The following ARHGAP10 variants were observed in gnomAD, a reference collection of about 807,000 sequenced individuals.
ARHGAP10 encodes Rho GTPase activating protein 10, also known as rho GTPase-activating protein 10.
Under a neutral mutation model 108.6 loss-of-function variants are expected in ARHGAP10, and 87 were observed. The observed-to-expected ratio is 0.80, with a 90% CI of 0.67 to 0.96. The LOEUF (loss-of-function observed/expected upper bound fraction) is 0.96, where lower values mean the gene tolerates loss of function less well. Ranked by LOEUF, ARHGAP10 falls within the 40% of genes least tolerant of loss-of-function variation. ARHGAP10 has a pLI of 0.00. For missense variants in ARHGAP10, 939 were observed against 954.5 expected, an observed-to-expected ratio of 0.98 and a Z score of 0.21; for synonymous variants, 347 against 341.1, an observed-to-expected ratio of 1.02 and a Z score of -0.19.
rs1386002228 is a variant in ARHGAP10, at chr4:147,784,598, TTA to T, written c.155-38123_155-38122del. Among the ~76,000 whole-genome samples, 10 of 111,808 alleles carry T rather than the reference TTA, an allele frequency of 8.9e-5. 1 individual carries two copies. Among genetic ancestry groups the T allele is most frequent in the Admixed American group, 6.0e-4 (5 of 8,290 alleles). The allele number at this position is 111,808 out of a possible 152,430, so 73.4% of individuals were successfully genotyped here. A position where few individuals can be genotyped will look rare whatever the true frequency, so the allele number is the denominator to read the frequency against. ...ATAAAATATATATTATAAATATATA[TTA>T]TATATTTAAAATAGAATAAATATAT... On this transcript the variant is annotated intron_variant, in intron 1 of 22. Coordinates refer to ENST00000336498, the MANE Select transcript of ARHGAP10 (RefSeq NM_024605.4).
At chr4:147,816,630 G>T (rs533492753) in intron 1 of ARHGAP10, among the ~76,000 whole-genome samples, 6 of 152,214 alleles carry the variant, frequency 3.9e-5, no homozygotes, top group Admixed American at 2.6e-4. Flanking sequence ...ACCTAGCCCT[G>T]TGATGCATTC....
At chr4:148,033,397 G>C (rs558530761) in intron 19 of ARHGAP10, among the ~76,000 whole-genome samples, 7 of 152,248 alleles carry the variant, frequency 4.6e-5, no homozygotes, top group African/African-American at 1.7e-4. Context: ...AAAAAAGCAA[G>C]TTTTAAGATG....
At chr4:147,990,521 G>C (rs958776161) in intron 18 of ARHGAP10, among the ~76,000 whole-genome samples, 2 of 152,170 alleles carry the variant, frequency 1.3e-5, no homozygotes, top group Non-Finnish European at 2.9e-5. Context: ...CCAAATAGGA[G>C]TCTTTCGATG....
Position 148,008,174 on chromosome 4 carries a change from A to G in ARHGAP10, c.1717-15089A>G, listed in dbSNP as rs934466367. Among the ~76,000 whole-genome samples the G allele has an allele frequency of 1.2e-4, 18 of 152,178 alleles. 1 individual carries two copies. The highest frequency in any genetic ancestry group is 3.4e-4 in the African/African-American group (14 of 41,522). ...GTCTTGTGTAGCTGCTTTTTAAAAC[A>G]TAGGAACTGCTTGATAGTTTTTTCT... is the stretch of plus-strand genomic sequence containing the variant. On this transcript the variant is annotated intron_variant, in intron 18 of 22. Transcript: ENST00000336498.
chr4:147,956,582 G>A (rs1233960504), intron 16 of ARHGAP10, among the ~76,000 whole-genome samples: 2 of 152,140 alleles, frequency 1.3e-5, no homozygotes, highest in Admixed American at 6.5e-5. Context: ...CTTCCCTGTG[G>A]CATTTTTGGC....
intron 1 of ARHGAP10, among the ~76,000 whole-genome samples, chr4:147,820,054 C>T (rs1200270243): frequency 1.3e-5 from 2 of 152,058 alleles, no homozygotes; most frequent in African/African-American, 2.4e-5. Context: ...GAGAGGGCCA[C>T]GGTGCCTAGG....
At chr4:147,916,229 A>C (rs1736977213) in intron 13 of ARHGAP10, among the ~76,000 whole-genome samples, 4 of 152,202 alleles carry the variant, frequency 2.6e-5, no homozygotes, top group Non-Finnish European at 4.4e-5. Flanking sequence ...CTAGTATTTC[A>C]TATGGTTCGG....
At chr4:147,880,048 A>G (rs1735264996) in intron 9 of ARHGAP10, among the ~76,000 whole-genome samples, 1 of 152,224 alleles carries the variant, frequency 6.6e-6, no homozygotes, top group African/African-American at 2.4e-5. Context: ...TGAAACTAAA[A>G]CAGCAAAGCA....
At chr4:147,913,357 G>A (rs1736833016) in intron 13 of ARHGAP10, among the ~76,000 whole-genome samples, 1 of 152,234 alleles carries the variant, frequency 6.6e-6, no homozygotes, top group African/African-American at 2.4e-5. Context: ...CATGAGGTCA[G>A]TGTTGAAATG....
At chr4:147,843,294 G>T (rs899976732) in intron 3 of ARHGAP10, among the ~76,000 whole-genome samples, 1 of 152,124 alleles carries the variant, frequency 6.6e-6, no homozygotes, top group African/African-American at 2.4e-5. Context: ...TGTCTTAAAA[G>T]AATACATGCC....
At chr4:148,044,343 G>A (rs1285566109) in intron 19 of ARHGAP10, among the ~76,000 whole-genome samples, 2 of 152,118 alleles carry the variant, frequency 1.3e-5, no homozygotes, top group Non-Finnish European at 2.9e-5. Context: ...CTCTCGGTAG[G>A]AGTAAGTCAG....
chr4:148,063,789 T>C (rs752661558), intron 21 of ARHGAP10, among the ~76,000 whole-genome samples: 7 of 152,184 alleles, frequency 4.6e-5, no homozygotes, highest in Non-Finnish European at 8.8e-5. Context: ...AGGCGTTTCC[T>C]TTGGATTTGA....
intron 20 of ARHGAP10, among the ~76,000 whole-genome samples, chr4:148,057,394 G>T (rs996791032): frequency 5.3e-5 from 8 of 152,272 alleles, no homozygotes; most frequent in South Asian, 4.1e-4. Context: ...AAGGACTTGA[G>T]GGTCTGAGAT....
chr4:147,855,985 G>C (rs1734069422), intron 4 of ARHGAP10, among the ~76,000 whole-genome samples: 1 of 152,142 alleles, frequency 6.6e-6, no homozygotes, highest in Non-Finnish European at 1.5e-5. Flanking sequence ...CATTATTTTT[G>C]CTTTGGAAAA....
chr4:147,949,189 G>A (rs1738501180), intron 15 of ARHGAP10, among the ~76,000 whole-genome samples: 1 of 152,164 alleles, frequency 6.6e-6, no homozygotes, highest in Non-Finnish European at 1.5e-5. Flanking sequence ...AAACTGTTAT[G>A]TGCACTATTG....
chr4:148,059,353 CT>C (rs1227959223), intron 20 of ARHGAP10, among the ~76,000 whole-genome samples: 3 of 152,052 alleles, frequency 2.0e-5, no homozygotes, highest in African/African-American at 4.8e-5. Context: ...CACTTAGGTA[CT>C]TTTTTGTACT....
chr4:148,023,529 A>G, intron 19 of ARHGAP10, 116 bp downstream of exon 19: 1 of 1,182,182 alleles, frequency 8.5e-7, no homozygotes, highest in South Asian at 2.8e-5. Flanking sequence ...TCTTCCCTTA[A>G]GATTATAATT....
intron 20 of ARHGAP10, among the ~76,000 whole-genome samples, chr4:148,056,075 T>A (rs561596539): frequency 6.6e-6 from 1 of 152,346 alleles, no homozygotes; most frequent in South Asian, 2.1e-4. Flanking sequence ...CTGTGGCTGC[T>A]TTTTCACTGA....
At chr4:147,789,975 G>T (rs1032810950) in intron 1 of ARHGAP10, among the ~76,000 whole-genome samples, 5 of 151,210 alleles carry the variant, frequency 3.3e-5, no homozygotes, top group Admixed American at 6.6e-5. Flanking sequence ...GAACAGAAAG[G>T]TGTGTTGGTG....
Sources: gnomAD v4.1 joint callset for allele counts (sites outside exome capture counted in the v4.1 genomes callset) on GRCh38, gnomAD v4.1.1 for gene constraint, MANE v1.5 for transcripts, NCBI Gene and HGNC (gene_info 2026-07-23, HGNC 2026-07-21) for gene names.